Variants in PDE2A observed in about 807,000 individuals in gnomAD.
PDE2A encodes the protein cGMP-dependent 3',5'-cyclic phosphodiesterase.
PDE2A carries 53 observed loss-of-function variants against 133.6 expected under a neutral mutation model. The observed-to-expected ratio is 0.40, with a 90% CI of 0.32 to 0.50. The LOEUF (loss-of-function observed/expected upper bound fraction) is 0.50, where lower values mean the gene tolerates loss of function less well. Among genes scored for constraint, PDE2A ranks in the 20% least tolerant of loss-of-function variants. The pLI, the probability that PDE2A is intolerant of heterozygous loss-of-function variation, is 0.73. For missense variants in PDE2A, 796 were observed against 1,232.4 expected, an observed-to-expected ratio of 0.65 and a Z score of 5.30; for synonymous variants, 491 against 490.2, an observed-to-expected ratio of 1.00 and a Z score of -0.02.
chr11:72,640,062 C>T (rs185778914), intron 2 of PDE2A, among the ~76,000 whole-genome samples: 17 of 152,176 alleles, frequency 1.1e-4, no homozygotes, highest in Admixed American at 6.5e-4. Flanking sequence ...TCCACTCACT[C>T]CTCACCACAG....
At chr11:72,633,855 C>G (rs1375348453) in intron 2 of PDE2A, among the ~76,000 whole-genome samples, 1 of 152,156 alleles carries the variant, frequency 6.6e-6, no homozygotes, top group Non-Finnish European at 1.5e-5. Flanking sequence ...GTGCTTAGCG[C>G]TGATCATCAC....
At chr11:72,661,415 TGG>T (rs367991724) in intron 1 of PDE2A, among the ~76,000 whole-genome samples, 4 of 152,072 alleles carry the variant, frequency 2.6e-5, no homozygotes, top group African/African-American at 9.7e-5. Context: ...TCCAGTTTTT[TGG>T]GGGGGTTTTT....
At chr11:72,630,047 A>G (rs1308222221) in intron 2 of PDE2A, among the ~76,000 whole-genome samples, 1 of 152,070 alleles carries the variant, frequency 6.6e-6, no homozygotes, top group Admixed American at 6.6e-5. Context: ...CAACATCAGC[A>G]GCCCACCTTG....
intron 2 of PDE2A, among the ~76,000 whole-genome samples, chr11:72,619,241 A>G (rs1857627385): frequency 1.3e-5 from 2 of 152,204 alleles, no homozygotes; most frequent in Admixed American, 6.5e-5. Flanking sequence ...AATGAAAATT[A>G]AAATAGTTTT....
intron 2 of PDE2A, among the ~76,000 whole-genome samples, chr11:72,636,552 T>G (rs555749196): frequency 1.3e-5 from 2 of 152,290 alleles, no homozygotes; most frequent in East Asian, 3.9e-4. Flanking sequence ...CTTTTGGTCC[T>G]TAAAGGGCCC....
chr11:72,646,449 A>G (rs1859129828), intron 1 of PDE2A, among the ~76,000 whole-genome samples: 1 of 152,250 alleles, frequency 6.6e-6, no homozygotes, highest in South Asian at 2.1e-4. Flanking sequence ...CTTACCTGAG[A>G]TGGCACAGCT....
chr11:72,590,126 A>C lies in PDE2A; in HGVS notation c.756+66T>G. 6.9e-7 allele frequency: 1 copy of C among 1,455,024 alleles called. No homozygotes were observed. Among genetic ancestry groups the C allele is most frequent in the Non-Finnish European group, 9.4e-7 (1 of 1,063,468 alleles). 90.1% of individuals were successfully genotyped at this position (1,455,024 alleles called of 1,614,324 possible). On this transcript the variant is annotated intron_variant, in intron 9 of 30. Coordinates refer to ENST00000334456, the MANE Select transcript of PDE2A (RefSeq NM_002599.5). This position sits in a 1 kb window ranked among gnomAD's most constrained non-coding sequence, Gnocchi z 4.8. The stretch of plus-strand genomic sequence containing the variant: ...TAATTGGAACTGAGATGGAGGGCTC[A>C]AGGGGAAGTTGGTCCCCGGAGGGAG...
chr11:72,590,298 G>C lies in PDE2A; in HGVS notation c.704-54C>G, dbSNP rs577042674. On this transcript the variant is annotated intron_variant, in intron 8 of 30. Coordinates refer to ENST00000334456, the MANE Select transcript of PDE2A (RefSeq NM_002599.5). The surrounding 1 kb of genome is among the most constrained non-coding windows in gnomAD (Gnocchi z 4.8). ...AGGGCCCCTCCGCACCTCCGTGTCC[G>C]GGTCCCTCAGGCGCCGCTCAGCTCC... is the stretch of plus-strand genomic sequence containing the variant. The C allele has an allele frequency of 6.5e-6, 10 of 1,541,918 alleles. No individual in the cohort carries two copies. The highest frequency in any genetic ancestry group is 1.7e-4 in the Middle Eastern group (1 of 5,912).
At chr11:72,599,648 C>A (rs1365283156) in intron 4 of PDE2A, among the ~76,000 whole-genome samples, 1 of 152,194 alleles carries the variant, frequency 6.6e-6, no homozygotes, top group Non-Finnish European at 1.5e-5. Context: ...CTAGCTGGGT[C>A]TCTTCAATCC....
chr11:72,645,947 A>T (rs1268741110), intron 1 of PDE2A, among the ~76,000 whole-genome samples: 1 of 152,254 alleles, frequency 6.6e-6, no homozygotes, highest in Non-Finnish European at 1.5e-5. Context: ...AACCCAGGCC[A>T]TCTCACTCCA....
At chr11:72,673,755 G>A (rs1488506425) in intron 1 of PDE2A, among the ~76,000 whole-genome samples, 1 of 151,408 alleles carries the variant, frequency 6.6e-6, no homozygotes, top group Non-Finnish European at 1.5e-5. Context: ...CCCTCTCCGG[G>A]TCCTGAACCA....
At chr11:72,626,542 C>T (rs1038377) in intron 2 of PDE2A, among the ~76,000 whole-genome samples, 99,679 of 152,120 alleles carry the variant, frequency 0.66, 33,020 homozygotes, top group Middle Eastern at 0.78. Flanking sequence ...GATAAGGGCC[C>T]GAAAAGTGCT....
At chr11:72,628,894 T>C (rs1858224952) in intron 2 of PDE2A, among the ~76,000 whole-genome samples, 1 of 152,224 alleles carries the variant, frequency 6.6e-6, no homozygotes, top group South Asian at 2.1e-4. Flanking sequence ...CTCTCTCCAG[T>C]CTTGCCCTCT....
chr11:72,668,534 C>T (rs757969841), intron 1 of PDE2A: 13 of 695,816 alleles, frequency 1.9e-5, no homozygotes, highest in Non-Finnish European at 2.6e-5. Flanking sequence ...GGGAAGAGGT[C>T]GATGCTGCTT....
At chr11:72,657,178 C>A (rs999057009) in intron 1 of PDE2A, among the ~76,000 whole-genome samples, 1 of 152,168 alleles carries the variant, frequency 6.6e-6, no homozygotes, top group Non-Finnish European at 1.5e-5. Flanking sequence ...GTGGTCCCCA[C>A]ACACCTTCCC....
intron 2 of PDE2A, among the ~76,000 whole-genome samples, chr11:72,618,579 G>C (rs943521912): frequency 1.3e-5 from 2 of 152,216 alleles, no homozygotes; most frequent in Non-Finnish European, 2.9e-5. Context: ...CCTGAACCCA[G>C]ACCTTCTTTG....
chr11:72,658,852 G>A (rs1037973948), intron 1 of PDE2A, among the ~76,000 whole-genome samples: 2 of 151,650 alleles, frequency 1.3e-5, no homozygotes, highest in Non-Finnish European at 2.9e-5. Context: ...AGTCAGCACC[G>A]AGTCTTCTAA....
intron 2 of PDE2A, among the ~76,000 whole-genome samples, chr11:72,639,432 G>A (rs924181915): frequency 6.6e-6 from 1 of 152,202 alleles, no homozygotes; most frequent in African/African-American, 2.4e-5. Flanking sequence ...GCCAGGAAGG[G>A]CGCTGGGCCA....
chr11:72,650,019 CTTTTT>C (rs746774086), intron 1 of PDE2A, among the ~76,000 whole-genome samples: 1 of 129,118 alleles, frequency 7.7e-6, no homozygotes, highest in Non-Finnish European at 1.6e-5. Flanking sequence ...AGCCCTGAGA[CTTTTT>C]TTTTTTTTTT....
Sources: allele counts gnomAD v4.1 joint callset (sites outside exome capture counted in the v4.1 genomes callset), GRCh38; gene constraint gnomAD v4.1.1; non-coding constraint Gnocchi (gnomAD v3.1); transcripts MANE v1.5; gene names NCBI Gene and HGNC (gene_info 2026-07-23, HGNC 2026-07-21).